The following CMSS1 variants were observed in gnomAD, a reference collection of about 807,000 sequenced individuals.
CMSS1 encodes the protein cms1 ribosomal small subunit homolog.
Under a neutral mutation model 43.5 loss-of-function variants are expected in CMSS1, and 33 were observed. The observed-to-expected ratio is 0.76, with a 90% CI of 0.57 to 1.01. CMSS1 has a LOEUF of 1.01. Ranked by LOEUF, CMSS1 falls within the 50% of genes least tolerant of loss-of-function variation. The pLI is 0.00. For synonymous variants in CMSS1, 115 were observed against 117.2 expected (o/e 0.98, Z 0.12); for missense variants, 313 against 326.4 (o/e 0.96, Z 0.32).
intron 1 of CMSS1, among the ~76,000 whole-genome samples, chr3:100,087,588 T>C (rs2066032605): frequency 6.6e-6 from 1 of 152,160 alleles, no homozygotes; most frequent in Admixed American, 6.5e-5. Context: ...TGTTTTCTTA[T>C]TATTGAGTTT....
chr3:99,998,178 A>G (rs1709737603), intron 1 of CMSS1, among the ~76,000 whole-genome samples: 1 of 152,220 alleles, frequency 6.6e-6, no homozygotes, highest in Non-Finnish European at 1.5e-5. Context: ...AAAGTTATTA[A>G]TGGCAAAAAC....
Position 100,160,562 on chromosome 3 carries a change from T to C in CMSS1, c.225+61T>C, listed in dbSNP as rs1015341446. On this transcript the variant is annotated intron_variant, in intron 3 of 9. Transcript: ENST00000421999. ...ACATGGTTTCCATCACATTTTTATA[T>C]ATCATACTTTCTTGAGGCAACTATT... 4.8e-5 allele frequency: 39 copies of C among 804,750 alleles called. No individual in the cohort carries two copies. In the African/African-American group the frequency reaches 5.4e-4, roughly 11 times the overall value. 49.9% of individuals were successfully genotyped at this position (804,750 alleles called of 1,614,324 possible).
chr3:100,020,760 CTTT>C (rs34665880), intron 1 of CMSS1, among the ~76,000 whole-genome samples: 139 of 70,964 alleles, frequency 2.0e-3, no homozygotes, highest in African/African-American at 7.3e-3. Flanking sequence ...GAATAATTAG[CTTT>C]TTTTTTTTTT....
At chr3:99,867,864 T>C (rs558552256) in intron 1 of CMSS1, among the ~76,000 whole-genome samples, 41 of 152,312 alleles carry the variant, frequency 2.7e-4, no homozygotes, top group Non-Finnish European at 5.1e-4. Flanking sequence ...TTTGAGTCTG[T>C]TGTAGTTCAC....
chr3:100,083,963 T>C (rs1043638360), intron 1 of CMSS1, among the ~76,000 whole-genome samples: 1 of 152,228 alleles, frequency 6.6e-6, no homozygotes, highest in Non-Finnish European at 1.5e-5. Flanking sequence ...TTATGTATGC[T>C]GAAGTTGACA....
intron 1 of CMSS1, among the ~76,000 whole-genome samples, chr3:100,045,444 A>AT (rs2065264004): frequency 6.6e-6 from 1 of 152,244 alleles, no homozygotes; most frequent in African/African-American, 2.4e-5. Flanking sequence ...TAAAATCGAG[A>AT]TAAAACCATT....
At chr3:100,154,275 C>T (rs1241862508) in intron 2 of CMSS1, among the ~76,000 whole-genome samples, 1 of 151,954 alleles carries the variant, frequency 6.6e-6, no homozygotes, top group Non-Finnish European at 1.5e-5. Flanking sequence ...AATAATTCTA[C>T]GTATTTATGG....
chr3:100,106,309 A>T (rs141151388), intron 1 of CMSS1, among the ~76,000 whole-genome samples: 100 of 152,286 alleles, frequency 6.6e-4, no homozygotes, highest in African/African-American at 2.4e-3. Flanking sequence ...CTGAAAGCTC[A>T]GTCCTCTTCC....
At position 100,146,961 on chromosome 3, in the gene CMSS1, T is replaced by C. The variant is rs1452874312; in HGVS notation, c.65-12T>C. The C allele has an allele frequency of 1.9e-6, 3 of 1,612,298 alleles. No homozygotes were observed. Among genetic ancestry groups the C allele is most frequent in the Admixed American group, 1.7e-5 (1 of 59,864 alleles). On this transcript the variant is annotated splice_polypyrimidine_tract_variant and intron_variant, in intron 1 of 9. Coordinates refer to ENST00000421999, the MANE Select transcript of CMSS1 (RefSeq NM_032359.4). ...AGAGACTTTTCTGATTTTCAAACTT[T>C]ATATTTTCTAGAAGCATCAGATGGT...
intron 1 of CMSS1, among the ~76,000 whole-genome samples, chr3:99,975,790 G>A (rs1331558881): frequency 2.0e-5 from 3 of 152,264 alleles, no homozygotes; most frequent in East Asian, 1.9e-4. Flanking sequence ...TTGAAAAGTC[G>A]TGTATATGTT....
chr3:100,024,975 C>T (rs1019229651), intron 1 of CMSS1, among the ~76,000 whole-genome samples: 5 of 152,144 alleles, frequency 3.3e-5, no homozygotes, highest in African/African-American at 9.7e-5. Context: ...GCAAGTTTAT[C>T]GAGCTTGATT....
intron 1 of CMSS1, among the ~76,000 whole-genome samples, chr3:99,908,884 G>C (rs1706706183): frequency 6.6e-6 from 1 of 152,072 alleles, no homozygotes; most frequent in Non-Finnish European, 1.5e-5. Context: ...GTGTGTGTGT[G>C]TGTGTTCTTT....
At chr3:99,979,203 T>G (rs1418606565) in intron 1 of CMSS1, among the ~76,000 whole-genome samples, 1 of 152,216 alleles carries the variant, frequency 6.6e-6, no homozygotes, top group Non-Finnish European at 1.5e-5. Flanking sequence ...CCCATAAATA[T>G]ATACAATTAC....
At chr3:99,918,712 ATC>A (rs1707032804) in intron 1 of CMSS1, among the ~76,000 whole-genome samples, 3 of 152,186 alleles carry the variant, frequency 2.0e-5, no homozygotes, top group Admixed American at 2.0e-4. Context: ...GAGGTAATTA[ATC>A]TCTCTGCATC....
At chr3:99,960,608 T>G (rs1039270355) in intron 1 of CMSS1, among the ~76,000 whole-genome samples, 2 of 152,160 alleles carry the variant, frequency 1.3e-5, no homozygotes, top group Non-Finnish European at 2.9e-5. Context: ...TCCTACAGTC[T>G]TTTTACCTGC....
intron 1 of CMSS1, among the ~76,000 whole-genome samples, chr3:100,143,326 G>A (rs1474829420): frequency 6.6e-6 from 1 of 152,206 alleles, no homozygotes; most frequent in Non-Finnish European, 1.5e-5. Flanking sequence ...AGACTGGTAA[G>A]AGCGGACATC....
chr3:100,018,991 T>C (rs1344868198), intron 1 of CMSS1, among the ~76,000 whole-genome samples: 1 of 152,094 alleles, frequency 6.6e-6, no homozygotes, highest in African/African-American at 2.4e-5. Context: ...AAAACCACAG[T>C]GAAACATCAC....
At position 99,848,552 on chromosome 3, in the gene CMSS1, A is replaced by G. The variant is rs371644128; in HGVS notation, c.64+30509A>G. On this transcript the variant is annotated intron_variant, in intron 1 of 9. Transcript: ENST00000421999. ...TTGCTGTTTGAACGCTGAAACTGCCATGATGACTGCCGGTCTGGGGAGACT... is the reference window on the plus strand; with the variant it reads ...TTGCTGTTTGAACGCTGAAACTGCCGTGATGACTGCCGGTCTGGGGAGACT... 1.1e-4 allele frequency: 172 copies of G among 1,614,242 alleles called. No individual in the cohort carries two copies. The highest frequency in any genetic ancestry group is 9.9e-4 in the Middle Eastern group (6 of 6,062).
At chr3:100,122,679 C>A (rs1212144387) in intron 1 of CMSS1, among the ~76,000 whole-genome samples, 2 of 152,202 alleles carry the variant, frequency 1.3e-5, no homozygotes, top group African/African-American at 4.8e-5. Context: ...CCCCTCTCCC[C>A]CTTATTCAAA....
Sources: allele counts gnomAD v4.1 joint callset (sites outside exome capture counted in the v4.1 genomes callset), GRCh38; gene constraint gnomAD v4.1.1; transcripts MANE v1.5; gene names NCBI Gene and HGNC (gene_info 2026-07-23, HGNC 2026-07-21).